The following PGAP6 variants were observed in gnomAD, a reference collection of about 807,000 sequenced individuals.
The protein encoded by PGAP6 is post-GPI attachment to proteins factor 6.
PGAP6 carries 62 observed loss-of-function variants against 68.4 expected under a neutral mutation model. The observed-to-expected ratio is 0.91, with a 90% CI of 0.74 to 1.12. The LOEUF (loss-of-function observed/expected upper bound fraction) is 1.12. Among genes scored for constraint, PGAP6 ranks in the 50% most tolerant of loss-of-function variants. PGAP6 has a pLI of 0.00. For missense variants in PGAP6, 1,188 were observed against 1,068.5 expected, an observed-to-expected ratio of 1.11 and a Z score of -1.56; for synonymous variants, 575 against 474.0, an observed-to-expected ratio of 1.21 and a Z score of -2.77.
upstream of PGAP6, chr16:386,652 C>G (rs765485410): frequency 8.6e-6 from 3 of 347,252 alleles, no homozygotes; most frequent in South Asian, 6.7e-5. Context: ...CATTATTATT[C>G]TTTCATAAAA....
chr16:381,131 G>A (rs2054433692), intron 1 of PGAP6, among the ~76,000 whole-genome samples: 1 of 152,354 alleles, frequency 6.6e-6, no homozygotes, highest in East Asian at 1.9e-4. Context: ...CAAGAGGGGA[G>A]AGGGGCGCCC....
rs1417253291 is a variant in PGAP6 at position 376,301 on chromosome 16, G to A, written c.1059C>T (p.Asn353=). 6.2e-6 allele frequency: 10 copies of A among 1,612,612 alleles called. No homozygotes were observed. The highest frequency in any genetic ancestry group is 7.6e-6 in the Non-Finnish European group (9 of 1,179,964). ...RVDRSPFCLT[N]YPVTREDMDV... ...CCATGTCCTCCCGCGTGACTGGGTAGTTTGTGAGGCAGAAGGGGCTGCGGT... is the reference window on the plus strand; with the variant it reads ...CCATGTCCTCCCGCGTGACTGGGTAATTTGTGAGGCAGAAGGGGCTGCGGT... The change falls in exon 6 of 13, where the codon AAC becomes AAT. Residue 353 remains asparagine (N), a synonymous_variant. Transcript: ENST00000431232.
At chr16:385,166 C>CA (rs1226925675), upstream of PGAP6, among the ~76,000 whole-genome samples, 420 of 104,764 alleles carry the variant, frequency 4.0e-3, 3 homozygotes, top group African/African-American at 0.011. Flanking sequence ...GTCTCCATCT[C>CA]AAAAAAAAAA....
chr16:375,160 AG>A lies in PGAP6; in HGVS notation c.1411del (p.Leu471CysfsTer29), dbSNP rs2054370401. ...YPETDNWYLS[L>X]QLMCPENAED... The stretch of plus-strand genomic sequence containing the variant: ...AGCATTCTCAGGGCACATGAGCTGC[AG>A]GGAGAGGTACCAGTTGTCTGTCTCT... On this transcript the variant is annotated frameshift_variant, in exon 8 of 13. Transcript: ENST00000431232. LOFTEE classifies it high-confidence loss of function. 6.2e-7 allele frequency: 1 copy of A among 1,613,316 alleles called. No homozygotes were observed.
Position 372,104 on chromosome 16 carries a change from T to A in PGAP6, c.2199A>T (p.Ala733=), listed in dbSNP as rs774167485. 2.2e-5 allele frequency: 36 copies of A among 1,612,250 alleles called. No homozygotes were observed. The South Asian group carries it at 3.8e-4, about 17-fold the overall frequency. Residue 733 remains alanine (A), a synonymous_variant, in exon 13 of 13, where the codon GCA becomes GCT. Coordinates refer to ENST00000431232, the MANE Select transcript of PGAP6 (RefSeq NM_021259.3). The part of the protein sequence containing the change: ...SIWHILLAGS[A]ALLLPPPDQP... Reference sequence around the variant, plus strand: ...GGTCAGGTGGCGGCAGCAGCAAGGCTGCGCTCCCGGCCAGCAGGATGTGCC... The same window carrying A: ...GGTCAGGTGGCGGCAGCAGCAAGGCAGCGCTCCCGGCCAGCAGGATGTGCC...
At position 375,273 on chromosome 16, in the gene PGAP6, G is replaced by A. The variant is rs199604980; in HGVS notation, c.1316-17C>T. 42 of 1,612,706 alleles carry A rather than the reference G, an allele frequency of 2.6e-5. No homozygotes were observed. Among genetic ancestry groups the A allele is most frequent in the Non-Finnish European group, 3.5e-5 (41 of 1,179,776 alleles). On this transcript the variant is annotated splice_polypyrimidine_tract_variant and intron_variant, in intron 7 of 12. Coordinates refer to ENST00000431232, the MANE Select transcript of PGAP6 (RefSeq NM_021259.3). Reference sequence around the variant, plus strand: ...GGAAGAAGGCTGCAGGGGAGCCAGAGGGCCCCATCAGAGGAGGCCGGGGCG... The same window carrying A: ...GGAAGAAGGCTGCAGGGGAGCCAGAAGGCCCCATCAGAGGAGGCCGGGGCG...
At chr16:377,304 A>G in intron 3 of PGAP6, 74 bp downstream of exon 3, 1 of 1,559,660 alleles carries the variant, frequency 6.4e-7, no homozygotes, top group Non-Finnish European at 8.7e-7. Context: ...GGACCACCCC[A>G]AAGAGGTGAA....
intron 11 of PGAP6, 100 bp downstream of exon 11, chr16:373,905 C>CA (rs1446357042): frequency 7.1e-7 from 1 of 1,399,474 alleles, no homozygotes; most frequent in African/African-American, 1.4e-5. Flanking sequence ...GGGCCGTGCC[C>CA]AACGCCAGGT....
At chr16:386,658 T>TA (rs1299556454), upstream of PGAP6, 6 of 309,634 alleles carry the variant, frequency 1.9e-5, no homozygotes, top group African/African-American at 1.0e-4. Context: ...TATTCTTTCA[T>TA]AAAAAAAGGG....
rs745776496 is a variant in PGAP6 at position 374,103 on chromosome 16, T to C, written c.1804A>G (p.Ser602Gly). 5 of 1,611,844 alleles carry C rather than the reference T, an allele frequency of 3.1e-6. No individual in the cohort carries two copies. The Admixed American group carries it at 8.3e-5, about 27-fold the overall frequency. The change falls in exon 11 of 13, where the codon AGC (serine) becomes GGC (glycine). Residue 602 changes from serine (S) to glycine (G), a missense_variant. Ser to Gly is a moderately conservative substitution (Grantham distance 56). Transcript: ENST00000431232. ...QPGEAVLCIL[S>G]YDTLQYCDFL... Reference sequence around the variant, plus strand: ...TCGCAGTACTGCAGCGTGTCGTAGCTGAGGATGCACAGCACCGCCTCCCCG... The same window carrying C: ...TCGCAGTACTGCAGCGTGTCGTAGCCGAGGATGCACAGCACCGCCTCCCCG...
chr16:372,400 G>T (rs1042915284), intron 12 of PGAP6, 117 bp from the exon 13 acceptor site: 2 of 1,208,590 alleles, frequency 1.7e-6, no homozygotes, highest in Admixed American at 2.1e-5. Flanking sequence ...AACGACAAGG[G>T]TGGGCTGCTT....
At position 376,632 on chromosome 16, in the gene PGAP6, C is replaced by T. The variant is rs138159504; in HGVS notation, c.816G>A (p.Pro272=). 114 of 1,602,882 alleles carry T rather than the reference C, an allele frequency of 7.1e-5. No individual in the cohort carries two copies. The highest frequency in any genetic ancestry group is 5.4e-4 in the African/African-American group (40 of 74,758). ...PWPCRLLLPS[P]PWDRWLQVTA... is the part of the protein sequence containing the mutation. ...TCACTTGCAGCCACCGGTCCCAGGG[C>T]GGTGAGGGCAGCAGCAGGCGGCAGG... The change falls in exon 5 of 13, where the codon CCG becomes CCA. Residue 272 remains proline, a synonymous_variant. Transcript: ENST00000431232.
chr16:379,951 T>C (rs763144), intron 1 of PGAP6, among the ~76,000 whole-genome samples: 89,222 of 152,122 alleles, frequency 0.59, 26,760 homozygotes, highest in South Asian at 0.71. Flanking sequence ...GTGGGGAAGG[T>C]GGTAATGCAA....
rs894101381 is a variant in PGAP6, at chr16:377,726, G to C, written c.244C>G (p.Leu82Val). The C allele has an allele frequency of 6.3e-7, 1 of 1,597,002 alleles. No homozygotes were observed. Among genetic ancestry groups the C allele is most frequent in the South Asian group, 1.1e-5 (1 of 88,562 alleles). Residue 82 changes from leucine (L) to valine (V), a missense_variant, in exon 2 of 13, where the codon CTC (leucine) becomes GTC (valine). Transcript: ENST00000431232. Reference sequence around the variant, plus strand: ...CCGCTCTCCCGGGAGACCTGCAGGAGCCAGCGTAGAAGCACAGCATCTGGG... The same window carrying C: ...CCGCTCTCCCGGGAGACCTGCAGGACCCAGCGTAGAAGCACAGCATCTGGG... Reference protein sequence around the residue: ...VPPDAVLLRWLLQVSRESGAA... With the variant: ...VPPDAVLLRWVLQVSRESGAA...
chr16:378,383 C>T (rs2054409586), intron 1 of PGAP6, among the ~76,000 whole-genome samples: 2 of 126,454 alleles, frequency 1.6e-5, no homozygotes, highest in African/African-American at 6.4e-5. Context: ...GCCATCGCCA[C>T]CCTGACTGCC....
At position 376,261 on chromosome 16, in the gene PGAP6, G is replaced by T; in HGVS notation, c.1099C>A (p.His367Asn). 1 of 1,612,804 alleles carries T rather than the reference G, an allele frequency of 6.2e-7. No individual in the cohort carries two copies. The highest frequency in any genetic ancestry group is 8.5e-7 in the Non-Finnish European group (1 of 1,179,998). Residue 367 changes from histidine (H) to asparagine (N), a missense_variant, in exon 6 of 13, where the codon CAC becomes AAC. Coordinates refer to ENST00000431232, the MANE Select transcript of PGAP6 (RefSeq NM_021259.3). ...GAGACCCTGTCCAGGGGCTGGAAGT[G>T]CACCGACACCACGTCCATGTCCTCC... ...TREDMDVVSV[H>N]FQPLDRVSVR...
chr16:376,062 T>G, intron 6 of PGAP6, 74 bp downstream of exon 6: 3 of 1,432,270 alleles, frequency 2.1e-6, no homozygotes, highest in Admixed American at 2.2e-5. Flanking sequence ...CCAAGGTAAA[T>G]GAGGAGGCGC....
At chr16:378,257 C>A (rs2054406392) in intron 1 of PGAP6, among the ~76,000 whole-genome samples, 1 of 146,016 alleles carries the variant, frequency 6.8e-6, no homozygotes, top group Non-Finnish European at 1.5e-5. Context: ...GCCATCCCCA[C>A]CCGCACTGCC....
chr16:376,518 A>G, intron 5 of PGAP6, 26 bp downstream of exon 5: 3 of 1,544,480 alleles, frequency 1.9e-6, no homozygotes, highest in Non-Finnish European at 2.6e-6. Flanking sequence ...GGGCAGGGCC[A>G]TCCCTCCAGC....
Sources: gnomAD v4.1 joint callset for allele counts (sites outside exome capture counted in the v4.1 genomes callset) on GRCh38, gnomAD v4.1.1 for gene constraint, MANE v1.5 for transcripts, NCBI Gene and HGNC (gene_info 2026-07-23, HGNC 2026-07-21) for gene names.